Variants in NUGGC observed in about 807,000 individuals in gnomAD.
The protein encoded by NUGGC is nuclear GTPase SLIP-GC.
NUGGC carries 58 observed loss-of-function variants against 92.6 expected under a neutral mutation model. The ratio of observed to expected loss-of-function variants is 0.63; its 90% CI spans 0.51 to 0.78. The LOEUF (loss-of-function observed/expected upper bound fraction) is 0.78. Among genes scored for constraint, NUGGC ranks in the 30% least tolerant of loss-of-function variants. NUGGC has a pLI of 0.00. For missense variants in NUGGC, 925 were observed against 964.6 expected, an observed-to-expected ratio of 0.96 and a Z score of 0.54; for synonymous variants, 376 against 366.4, an observed-to-expected ratio of 1.03 and a Z score of -0.30.
At chr8:28,026,440 G>A (rs1018414200) in intron 18 of NUGGC, among the ~76,000 whole-genome samples, 13 of 152,184 alleles carry the variant, frequency 8.5e-5, no homozygotes, top group African/African-American at 2.2e-4. Flanking sequence ...AGCTGGGGCC[G>A]CATCCCCAGG....
chr8:28,026,454 T>C (rs1375994226), intron 18 of NUGGC, among the ~76,000 whole-genome samples: 6 of 152,208 alleles, frequency 3.9e-5, no homozygotes, highest in African/African-American at 1.4e-4. Flanking sequence ...CCCCAGGCTA[T>C]AGGTGGATTA....
Position 28,047,588 on chromosome 8 carries a change from C to T in NUGGC, c.1231G>A (p.Val411Ile). The change falls in exon 11 of 19, where the codon GTT becomes ATT. Residue 411 changes from valine (V) to isoleucine (I), a missense_variant. Physicochemically the swap from Val to Ile is conservative, Grantham distance 29 (BLOSUM62 3). Transcript: ENST00000413272. Reference protein sequence around the residue: ...LKRKLPADFKVLEASDLVYTV... With the variant: ...LKRKLPADFKILEASDLVYTV... ...TACACCAGATCTGAGGCTTCCAGAA[C>T]CTTGAAGTCAGCTGGCAGTTTTCTC... 1 of 1,562,230 alleles carries T rather than the reference C, an allele frequency of 6.4e-7. No homozygotes were observed. The highest frequency in any genetic ancestry group is 8.7e-7 in the Non-Finnish European group (1 of 1,152,060).
intron 18 of NUGGC, among the ~76,000 whole-genome samples, chr8:28,026,579 C>T (rs1809266215): frequency 6.6e-6 from 1 of 152,220 alleles, no homozygotes; most frequent in South Asian, 2.1e-4. Context: ...AAATTAGCCG[C>T]TTTCCAGCTA....
intron 1 of NUGGC, among the ~76,000 whole-genome samples, chr8:28,081,364 G>A (rs905574023): frequency 6.6e-6 from 1 of 152,052 alleles, no homozygotes; most frequent in Non-Finnish European, 1.5e-5. Context: ...AATTAAATGT[G>A]ATAATGAATG....
intron 10 of NUGGC, 52 bp downstream of exon 10, chr8:28,055,913 A>G: frequency 9.7e-7 from 1 of 1,035,992 alleles, no homozygotes; most frequent in Non-Finnish European, 1.5e-6. Context: ...TTGTCTCCCA[A>G]AATCTAGTTG....
chr8:28,054,778 G>A (rs1488893164), intron 10 of NUGGC, among the ~76,000 whole-genome samples: 6 of 151,476 alleles, frequency 4.0e-5, no homozygotes, highest in Non-Finnish European at 7.4e-5. Context: ...GCACTGTGGT[G>A]CTTGCCGAGC....
At chr8:28,049,750 A>G (rs904236587) in intron 10 of NUGGC, among the ~76,000 whole-genome samples, 1 of 152,228 alleles carries the variant, frequency 6.6e-6, no homozygotes, top group Non-Finnish European at 1.5e-5. Context: ...AAAGTTTGTA[A>G]AAAGATGTTG....
At chr8:28,076,812 C>T (rs573038257) in intron 1 of NUGGC, among the ~76,000 whole-genome samples, 2 of 152,162 alleles carry the variant, frequency 1.3e-5, no homozygotes, top group South Asian at 2.1e-4. Context: ...CTTACAGCTG[C>T]AAATAAAAGA....
At chr8:28,061,405 C>T (rs1228803791) in intron 7 of NUGGC, among the ~76,000 whole-genome samples, 1 of 152,190 alleles carries the variant, frequency 6.6e-6, no homozygotes, top group African/African-American at 2.4e-5. Flanking sequence ...TCTTGTCTTA[C>T]CTCCACATAA....
chr8:28,040,896 C>T (rs544058513), intron 13 of NUGGC, among the ~76,000 whole-genome samples, 155 bp downstream of exon 13: 9 of 152,334 alleles, frequency 5.9e-5, no homozygotes, highest in East Asian at 5.8e-4. Context: ...CCGCCCACCT[C>T]GGCCTCCCAA....
At chr8:28,081,561 G>A (rs1290497569) in intron 1 of NUGGC, among the ~76,000 whole-genome samples, 2 of 152,096 alleles carry the variant, frequency 1.3e-5, no homozygotes, top group African/African-American at 4.8e-5. Context: ...AACACATTGA[G>A]GATGCTCTAC....
rs746470781 is a variant in NUGGC at position 28,023,481 on chromosome 8, C to G, written c.2246-19G>C. Reference sequence around the variant, plus strand: ...CCGACATCTACAGGAGAGCAGAAAGCTCACATCAGGACTTGGTGTCCGTTG... The same window carrying G: ...CCGACATCTACAGGAGAGCAGAAAGGTCACATCAGGACTTGGTGTCCGTTG... On this transcript the variant is annotated intron_variant, in intron 18 of 18. Transcript: ENST00000413272. The G allele has an allele frequency of 1.4e-5, 22 of 1,608,638 alleles. No homozygotes were observed. The highest frequency in any genetic ancestry group is 8.5e-7 in the Non-Finnish European group (1 of 1,177,150).
intron 7 of NUGGC, among the ~76,000 whole-genome samples, chr8:28,063,421 T>C (rs1037375052): frequency 6.6e-6 from 1 of 152,202 alleles, no homozygotes; most frequent in Non-Finnish European, 1.5e-5. Context: ...GGCCTGGAAC[T>C]AGCCAAGATT....
At chr8:28,040,308 C>G (rs1204247320) in intron 13 of NUGGC, among the ~76,000 whole-genome samples, 2 of 152,140 alleles carry the variant, frequency 1.3e-5, no homozygotes, top group African/African-American at 4.8e-5. Flanking sequence ...AACTTGTATG[C>G]CAATTGAGAG....
intron 2 of NUGGC, among the ~76,000 whole-genome samples, chr8:28,073,917 G>A (rs1810654143): frequency 6.6e-6 from 1 of 152,044 alleles, no homozygotes; most frequent in Non-Finnish European, 1.5e-5. Flanking sequence ...TCCTGCCTCA[G>A]CCTCCCAAGT....
chr8:28,070,138 G>A (rs1438855809), intron 3 of NUGGC, 114 bp downstream of exon 3: 1 of 1,456,648 alleles, frequency 6.9e-7, no homozygotes, highest in Non-Finnish European at 9.0e-7. Flanking sequence ...TTCCAAAACA[G>A]GTTTATTTGA....
At chr8:28,065,206 A>G (rs2045028) in intron 6 of NUGGC, among the ~76,000 whole-genome samples, 65,824 of 137,290 alleles carry the variant, frequency 0.48, 15,397 homozygotes, top group Middle Eastern at 0.62. Flanking sequence ...TGTTGCCCAG[A>G]CTGGAGTGCA....
At chr8:28,071,588 G>C (rs1026883108) in intron 2 of NUGGC, among the ~76,000 whole-genome samples, 1 of 152,186 alleles carries the variant, frequency 6.6e-6, no homozygotes, top group Admixed American at 6.5e-5. Context: ...TTGTAGCTCT[G>C]CGGAGATTCA....
intron 6 of NUGGC, among the ~76,000 whole-genome samples, chr8:28,066,671 T>G (rs80309815): frequency 4.2e-4 from 64 of 152,388 alleles, no homozygotes; most frequent in African/African-American, 1.5e-3. Context: ...AATTGAATGT[T>G]GATTCCACAA....
Sources: gnomAD v4.1 joint callset for allele counts (sites outside exome capture counted in the v4.1 genomes callset) on GRCh38, gnomAD v4.1.1 for gene constraint, MANE v1.5 for transcripts, NCBI Gene and HGNC (gene_info 2026-07-23, HGNC 2026-07-21) for gene names.